TENM3: variants seen among roughly 807,000 people sequenced by gnomAD.
TENM3 encodes teneurin-3.
In TENM3, 63 loss-of-function variants were observed where a neutral mutation model predicts 255.1. The observed-to-expected ratio is 0.25, with a 90% CI of 0.20 to 0.30. The LOEUF is 0.30. Ranked by LOEUF, TENM3 falls within the 10% of genes least tolerant of loss-of-function variation. The pLI is 1.00. For missense variants in TENM3, 2,929 were observed against 3,461.1 expected (o/e 0.85, Z 3.86); for synonymous variants, 1,306 against 1,322.3 (o/e 0.99, Z 0.27).
intron 3 of TENM3, among the ~76,000 whole-genome samples, chr4:182,593,089 G>T (rs887421253): frequency 2.6e-5 from 4 of 152,136 alleles, no homozygotes; most frequent in African/African-American, 9.7e-5. Context: ...TGAGAGTCCA[G>T]TGTACTTTCT....
At chr4:182,317,786 A>G (rs1158607389) in intron 1 of TENM3, among the ~76,000 whole-genome samples, 3 of 152,022 alleles carry the variant, frequency 2.0e-5, no homozygotes, top group African/African-American at 7.2e-5. Flanking sequence ...CATTTGCCTC[A>G]GGAAACATAA....
chr4:182,259,486 A>T (rs2150152721), intron 1 of TENM3, among the ~76,000 whole-genome samples: 1 of 151,896 alleles, frequency 6.6e-6, no homozygotes, highest in Non-Finnish European at 1.5e-5. Context: ...TAATTTTTAA[A>T]TTTTTTTGTA....
chr4:182,243,672 G>A lies in TENM3; in HGVS notation c.-76+196G>A, dbSNP rs566566074. On this transcript the variant is annotated intron_variant, in intron 1 of 27. Coordinates refer to ENST00000511685, the MANE Select transcript of TENM3 (RefSeq NM_001080477.4). Reference sequence around the variant, plus strand: ...ATCTGGGCAGTGTTGGGACACGGAAGCTGAGGAAAAGAGCAGTTCAAGATG... The same window carrying A: ...ATCTGGGCAGTGTTGGGACACGGAAACTGAGGAAAAGAGCAGTTCAAGATG... Among the ~76,000 whole-genome samples the A allele has an allele frequency of 2.0e-5, 3 of 152,306 alleles. No homozygotes were observed. In the South Asian group the frequency reaches 6.2e-4, roughly 32 times the overall value.
chr4:182,183,903 T>A (rs1466211550), intron 1 of TENM3, among the ~76,000 whole-genome samples: 1 of 152,200 alleles, frequency 6.6e-6, no homozygotes, highest in Non-Finnish European at 1.5e-5. Context: ...CTGAGTTTAG[T>A]AAAGTTAAAA....
chr4:181,783,939 A>T, the TENM3 span, among the ~76,000 whole-genome samples: 1 of 152,172 alleles, frequency 6.6e-6, no homozygotes, highest in African/African-American at 2.4e-5. Context: ...GGCTTCAAGC[A>T]GTCCTCCAGC....
the TENM3 span, among the ~76,000 whole-genome samples, chr4:181,733,649 G>A: frequency 6.6e-6 from 1 of 152,186 alleles, no homozygotes; most frequent in Admixed American, 6.5e-5. Context: ...GGCAGAAAAA[G>A]ACTGAGTATC....
chr4:182,290,440 GT>G (rs1410785873), intron 1 of TENM3, among the ~76,000 whole-genome samples: 14 of 152,146 alleles, frequency 9.2e-5, no homozygotes, highest in Non-Finnish European at 7.3e-5. Context: ...ATGTAATATG[GT>G]CATCAAACCA....
intron 3 of TENM3, among the ~76,000 whole-genome samples, chr4:182,412,646 A>G (rs940039646): frequency 4.6e-5 from 7 of 152,046 alleles, no homozygotes; most frequent in African/African-American, 1.7e-4. Context: ...TGGGCAGATC[A>G]TGAGGTCAGG....
intron 3 of TENM3, among the ~76,000 whole-genome samples, chr4:182,568,061 AAG>A (rs1167736780): frequency 6.6e-6 from 1 of 152,184 alleles, no homozygotes; most frequent in Non-Finnish European, 1.5e-5. Context: ...GAGCTTTGGA[AAG>A]AGAATAATAG....
chr4:182,029,820 C>G, the TENM3 span, among the ~76,000 whole-genome samples: 6 of 151,882 alleles, frequency 4.0e-5, no homozygotes, highest in Admixed American at 2.0e-4. Flanking sequence ...AAATTAGTAT[C>G]AAACTAACAA....
chr4:182,050,708 G>A, the TENM3 span, among the ~76,000 whole-genome samples: 1 of 152,120 alleles, frequency 6.6e-6, no homozygotes, highest in Non-Finnish European at 1.5e-5. Flanking sequence ...GGAGGCTGAG[G>A]TGGGAGAATC....
chr4:181,655,909 C>T, the TENM3 span, among the ~76,000 whole-genome samples: 5 of 152,072 alleles, frequency 3.3e-5, no homozygotes, highest in Admixed American at 2.0e-4. Context: ...ACCAAAATAC[C>T]ACAAAACAAA....
chr4:182,025,810 A>G, the TENM3 span, among the ~76,000 whole-genome samples: 2 of 152,038 alleles, frequency 1.3e-5, no homozygotes, highest in Admixed American at 6.6e-5. Context: ...CCTGTTTGCC[A>G]TTATAAGTCT....
intron 13 of TENM3, among the ~76,000 whole-genome samples, chr4:182,726,894 C>T (rs1760240260): frequency 6.6e-6 from 1 of 152,072 alleles, no homozygotes; most frequent in South Asian, 2.1e-4. Flanking sequence ...AGCTAACATT[C>T]TATTAATAAG....
the TENM3 span, among the ~76,000 whole-genome samples, chr4:181,552,104 T>G: frequency 6.6e-6 from 1 of 152,104 alleles, no homozygotes; most frequent in African/African-American, 2.4e-5. Context: ...TACATACCTC[T>G]AAGAATAGAA....
the TENM3 span, among the ~76,000 whole-genome samples, chr4:181,761,009 C>CACACAT: frequency 7.0e-6 from 1 of 142,896 alleles, no homozygotes. Flanking sequence ...CACACACACA[C>CACACAT]ACACCCCGAA....
intron 16 of TENM3, among the ~76,000 whole-genome samples, chr4:182,735,679 A>G (rs1245702195): frequency 1.3e-5 from 2 of 152,204 alleles, no homozygotes; most frequent in African/African-American, 4.8e-5. Flanking sequence ...TTCCTGGTGC[A>G]CGTTCTTGAA....
intron 3 of TENM3, among the ~76,000 whole-genome samples, chr4:182,427,953 T>TC (rs547499488): frequency 4.7e-4 from 72 of 152,160 alleles, no homozygotes; most frequent in African/African-American, 1.6e-3. Flanking sequence ...GTCACTTTTT[T>TC]TTTTTTTTGC....
chr4:182,714,286 G>A, intron 13 of TENM3, 53 bp downstream of exon 13: 1 of 801,228 alleles, frequency 1.2e-6, no homozygotes, highest in Non-Finnish European at 1.8e-6. Context: ...AGGTTCGTAA[G>A]TGACAGTGAG....
Sources: gnomAD v4.1 joint callset for allele counts (sites outside exome capture counted in the v4.1 genomes callset) on GRCh38, gnomAD v4.1.1 for gene constraint, MANE v1.5 for transcripts, NCBI Gene and HGNC (gene_info 2026-07-23, HGNC 2026-07-21) for gene names.